LTN1: variants seen among roughly 807,000 people sequenced by gnomAD.
LTN1 encodes listerin E3 ubiquitin protein ligase 1, also known as E3 ubiquitin-protein ligase listerin.
A neutral mutation model predicts 201.2 loss-of-function variants in LTN1; 88 were observed. The ratio of observed to expected loss-of-function variants is 0.44; its 90% CI spans 0.37 to 0.52. The LOEUF is 0.52. Ranked by LOEUF, LTN1 falls within the 20% of genes least tolerant of loss-of-function variation. LTN1 has a pLI of 0.00. For synonymous variants in LTN1, 645 were observed against 713.5 expected (o/e 0.90, Z 1.53); for missense variants, 1,752 against 2,038.7 (o/e 0.86, Z 2.71).
chr21:28,956,790 G>T lies in LTN1; in HGVS notation c.3051C>A (p.Val1017=). The T allele has an allele frequency of 1.9e-6, 3 of 1,602,576 alleles. 1 individual carries two copies. Among genetic ancestry groups the T allele is most frequent in the South Asian group, 1.1e-5 (1 of 89,096 alleles). Reference sequence around the variant, plus strand: ...TTTTCTCAAGCTCATTATTTTCTAAGACTGTTTCCTTTCTCAGTGCAATTA... The same window carrying T: ...TTTTCTCAAGCTCATTATTTTCTAATACTGTTTCCTTTCTCAGTGCAATTA... ...MVLIALRKET[V]LENNELEKII... Residue 1017 remains valine (V), a synonymous_variant, in exon 16 of 30, where the codon GTC becomes GTA. Coordinates refer to ENST00000361371, the MANE Select transcript of LTN1 (RefSeq NM_015565.3).
chr21:28,959,937 G>A, intron 12 of LTN1: 1 of 332,084 alleles, frequency 3.0e-6, no homozygotes, highest in South Asian at 4.7e-5. Flanking sequence ...TTTGTACACT[G>A]AAAACCCTTT....
At position 28,928,350 on chromosome 21, in the gene LTN1, C is replaced by T. The variant is rs760686226; in HGVS notation, c.*2098G>A. ...TGCACCACAAAAATGTATCAAATAA[C>T]AACATATTATTTAAGCCACAGACAC... is the stretch of plus-strand genomic sequence containing the variant. On this transcript the variant is annotated 3_prime_UTR_variant, in exon 30 of 30. Transcript: ENST00000361371. The T allele has an allele frequency of 3.9e-5, 6 of 152,348 alleles. No individual in the cohort carries two copies. Among genetic ancestry groups the T allele is most frequent in the Admixed American group, 6.6e-5 (1 of 15,262 alleles). The allele number at this position is 152,348 out of a possible 1,614,324, so 9.4% of individuals were successfully genotyped here.
At position 28,949,248 on chromosome 21, in the gene LTN1, T is replaced by A. The variant is rs374771872; in HGVS notation, c.3345-1642A>T. 4.6e-5 allele frequency among the ~76,000 whole-genome samples: 7 copies of A among 152,344 alleles called. No individual in the cohort carries two copies. In the East Asian group the frequency reaches 1.2e-3, roughly 25 times the overall value. On this transcript the variant is annotated intron_variant, in intron 18 of 29. Coordinates refer to ENST00000361371, the MANE Select transcript of LTN1 (RefSeq NM_015565.3). ...TTATATAAACTATATGTAGATAGTT[T>A]TTTGTTGATTTGCAAATGTCATCTC...
At position 28,936,641 on chromosome 21, in the gene LTN1, G is replaced by C. The variant is rs563288454; in HGVS notation, c.4539C>G (p.Leu1513=). ...CTGGCATAAGCCTGAACAGGTGATA[G>C]AGCAATTTATTCAAACTCTTTGTTT... ...LRKTKSLNKL[L]YHLFRLMPEN... Residue 1513 remains leucine (L), a synonymous_variant, in exon 26 of 30, where the codon CTC becomes CTG. Transcript: ENST00000361371. The C allele has an allele frequency of 6.2e-7, 1 of 1,613,818 alleles. No homozygotes were observed. Among genetic ancestry groups the C allele is most frequent in the South Asian group, 1.1e-5 (1 of 91,006 alleles).
rs188456190 is a variant in LTN1, at chr21:28,989,188, T to C, written c.43-2254A>G. On this transcript the variant is annotated intron_variant, in intron 1 of 29. Transcript: ENST00000361371. ...TCAGAATTTTCTACAATCTCATGTG[T>C]AAACGGTTTTATTATGAAACAGAAT... Among the ~76,000 whole-genome samples the C allele has an allele frequency of 1.3e-3, 205 of 152,204 alleles. 2 individuals carry two copies. The East Asian group carries it at 0.016, about 12-fold the overall frequency.
Position 28,986,712 on chromosome 21 carries a change from T to C in LTN1, c.246+19A>G. On this transcript the variant is annotated intron_variant, in intron 2 of 29. Coordinates refer to ENST00000361371, the MANE Select transcript of LTN1 (RefSeq NM_015565.3). The surrounding 1 kb of genome is among the most constrained non-coding windows in gnomAD (Gnocchi z 4.1). ...AAAGGGATTTTCTTGATAATTTTTA[T>C]GAAAACAAGAAAACTTGCTTTTAAT... is the stretch of plus-strand genomic sequence containing the variant. 1.3e-6 allele frequency: 2 copies of C among 1,578,588 alleles called. No homozygotes were observed. Among genetic ancestry groups the C allele is most frequent in the East Asian group, 4.5e-5 (2 of 44,644 alleles).
chr21:28,968,638 A>C (rs932396702), intron 9 of LTN1, among the ~76,000 whole-genome samples: 12 of 151,002 alleles, frequency 7.9e-5, no homozygotes, highest in Non-Finnish European at 7.4e-5. Context: ...TCTGAGATGG[A>C]GTTTCACTCT....
chr21:28,950,149 C>T (rs187261267), intron 18 of LTN1, among the ~76,000 whole-genome samples: 50 of 152,194 alleles, frequency 3.3e-4, no homozygotes, highest in South Asian at 3.1e-3. Flanking sequence ...TGATTGAGAT[C>T]GCACTGAAAT....
At position 28,931,196 on chromosome 21, in the gene LTN1, C is replaced by T. The variant is rs747310955; in HGVS notation, c.5197G>A (p.Ala1733Thr). The T allele has an allele frequency of 2.5e-6, 4 of 1,613,226 alleles. No homozygotes were observed. Among genetic ancestry groups the T allele is most frequent in the Non-Finnish European group, 3.4e-6 (4 of 1,179,702 alleles). The change falls in exon 29 of 30, where the codon GCC (alanine) becomes ACC (threonine). Residue 1733 changes from alanine (A) to threonine (T), a missense_variant. By Grantham distance (58) the Ala-to-Thr change is moderately conservative. Transcript: ENST00000361371. The stretch of plus-strand genomic sequence containing the variant: ...AATTTTTTCTTGCATGTTCTACAGG[C>T]TTTTTTGGGAAGGGAATAGTTGAAA... ...HGFNYSLPKKACRTCKKKFHS... is the reference protein window; with the variant it reads ...HGFNYSLPKKTCRTCKKKFHS...
chr21:28,977,517 G>A, intron 6 of LTN1, among the ~76,000 whole-genome samples: 1 of 152,130 alleles, frequency 6.6e-6, no homozygotes, highest in East Asian at 1.9e-4. Context: ...GAGGTCAGGA[G>A]TTTGAGACCA....
At position 28,935,294 on chromosome 21, in the gene LTN1, C is replaced by T. The variant is rs749204141; in HGVS notation, c.4690G>A (p.Ala1564Thr). 1 of 1,613,794 alleles carries T rather than the reference C, an allele frequency of 6.2e-7. No individual in the cohort carries two copies. The highest frequency in any genetic ancestry group is 8.5e-7 in the Non-Finnish European group (1 of 1,179,852). The change falls in exon 27 of 30, where the codon GCT becomes ACT. Residue 1564 changes from alanine to threonine, a missense_variant. Physicochemically the swap from Ala to Thr is moderately conservative, Grantham distance 58. Coordinates refer to ENST00000361371, the MANE Select transcript of LTN1 (RefSeq NM_015565.3). ...AATGTCATATGATAGACTGAACAAG[C>T]CAAGTGTGGAATGTGGTATGGAAGC... ...TMLPYHIPHL[A>T]CSVYHMTLKD...
intron 25 of LTN1, 46 bp from the exon 26 acceptor site, chr21:28,936,743 C>G: frequency 6.9e-7 from 1 of 1,442,482 alleles, no homozygotes; most frequent in Non-Finnish European, 9.6e-7. Context: ...TACACCAAGA[C>G]AATTGGTATA....
intron 13 of LTN1, among the ~76,000 whole-genome samples, chr21:28,958,827 T>A (rs909742444): frequency 3.9e-5 from 6 of 151,902 alleles, no homozygotes; most frequent in South Asian, 2.1e-4. Flanking sequence ...GAGACATTTT[T>A]AAAAAAATTA....
chr21:28,955,626 C>T (rs1840078278), intron 16 of LTN1, among the ~76,000 whole-genome samples: 1 of 151,630 alleles, frequency 6.6e-6, no homozygotes, highest in Admixed American at 6.6e-5. Context: ...ACTATTCAGC[C>T]ATTAAAAAAA....
chr21:28,960,476 G>A (rs759968845), intron 12 of LTN1, 41 bp downstream of exon 12: 1 of 1,490,626 alleles, frequency 6.7e-7, no homozygotes, highest in South Asian at 1.2e-5. Context: ...AGGAGAAATG[G>A]ACTATTCCCC....
Position 28,944,558 on chromosome 21 carries a change from A to G in LTN1, c.3807T>C (p.Leu1269=), listed in dbSNP as rs113354747. ...AGCTGACACAGGCAAACAGTTGCAC[A>G]AGTGGAATAGAATACAATGCCTGAT... The part of the protein sequence containing the change: ...SENQALYSIP[L]VQLFACVSCD... The change falls in exon 22 of 30, where the codon CTT becomes CTC. Residue 1269 remains leucine (L), a synonymous_variant. Coordinates refer to ENST00000361371, the MANE Select transcript of LTN1 (RefSeq NM_015565.3). 6.2e-7 allele frequency: 1 copy of G among 1,613,848 alleles called. No individual in the cohort carries two copies. Among genetic ancestry groups the G allele is most frequent in the Non-Finnish European group, 8.5e-7 (1 of 1,179,934 alleles).
At chr21:28,970,522 T>C (rs972140047) in intron 8 of LTN1, 30 bp downstream of exon 8, 4 of 1,469,332 alleles carry the variant, frequency 2.7e-6, no homozygotes, top group African/African-American at 1.4e-5. Context: ...ATCTGTTTTG[T>C]TTTAAAAATC....
intron 11 of LTN1, chr21:28,960,947 C>CT (rs61117798): frequency 5.7e-3 from 1,596 of 277,912 alleles, no homozygotes; most frequent in South Asian, 8.1e-3. Context: ...CCACCCCCCC[C>CT]TTTTTTTTTT....
Position 28,956,918 on chromosome 21 carries a change from A to G in LTN1, c.2923T>C (p.Leu975=), listed in dbSNP as rs1224744207. The G allele has an allele frequency of 1.2e-6, 2 of 1,607,328 alleles. No homozygotes were observed. Among genetic ancestry groups the G allele is most frequent in the South Asian group, 1.1e-5 (1 of 89,776 alleles). Residue 975 remains leucine, a synonymous_variant, in exon 16 of 30, where the codon TTG becomes CTG. Transcript: ENST00000361371. The part of the protein sequence containing the change: ...WLHRPLLEGR[L]SLNYECFKTD... ...TTGAAACATTCATAATTCAAACTCA[A>G]TCTTCCCTCTAAAAGAGGTCTATGT... is the stretch of plus-strand genomic sequence containing the variant.
Sources: gnomAD v4.1 joint callset for allele counts (sites outside exome capture counted in the v4.1 genomes callset) on GRCh38, gnomAD v4.1.1 for gene constraint, Gnocchi (gnomAD v3.1) non-coding constraint, MANE v1.5 for transcripts, NCBI Gene and HGNC (gene_info 2026-07-23, HGNC 2026-07-21) for gene names.